FNBP1: variants seen among roughly 807,000 people sequenced by gnomAD.
FNBP1 encodes formin binding protein 1.
Under a neutral mutation model 90.6 loss-of-function variants are expected in FNBP1, and 26 were observed. That is an observed-to-expected ratio of 0.29 (90% CI 0.21 to 0.40). FNBP1 has a LOEUF of 0.40. Among genes scored for constraint, FNBP1 ranks in the 10% least tolerant of loss-of-function variants. The probability of loss-of-function intolerance (pLI) is 1.00; values close to 1 mark genes in which losing one functional copy is unlikely to be tolerated. For missense variants in FNBP1, 635 were observed against 768.0 expected (o/e 0.83, Z 2.05); for synonymous variants, 260 against 265.2 (o/e 0.98, Z 0.19).
chr9:129,925,066 G>C lies in FNBP1; in HGVS notation c.881C>G (p.Thr294Ser). ...ATTTGAAAGGCTGTTATCTGACACAGTGCGCTTCATTGGCTGAGTGTAATC... is the reference window on the plus strand; with the variant it reads ...ATTTGAAAGGCTGTTATCTGACACACTGCGCTTCATTGGCTGAGTGTAATC... ...FEDYTQPMKRTVSDNSLSNSR... is the reference protein window; with the variant it reads ...FEDYTQPMKRSVSDNSLSNSR... The change falls in exon 9 of 17, where the codon ACT becomes AGT. Residue 294 changes from threonine to serine, a missense_variant. Transcript: ENST00000446176. The C allele has an allele frequency of 6.2e-7, 1 of 1,613,898 alleles. No individual in the cohort carries two copies. Among genetic ancestry groups the C allele is most frequent in the Non-Finnish European group, 8.5e-7 (1 of 1,179,806 alleles).
Position 129,957,422 on chromosome 9 carries a change from C to T in FNBP1, c.451G>A (p.Ala151Thr). 1 of 1,613,904 alleles carries T rather than the reference C, an allele frequency of 6.2e-7. No individual in the cohort carries two copies. Reference sequence around the variant, plus strand: ...TCCATTTTCTCAAAGTACTGCTGCGCCCTGTCCGCCTCTTTGCAATCGCGT... The same window carrying T: ...TCCATTTTCTCAAAGTACTGCTGCGTCCTGTCCGCCTCTTTGCAATCGCGT... ...FERDCKEADRAQQYFEKMDAD... is the reference protein window; with the variant it reads ...FERDCKEADRTQQYFEKMDAD... The change falls in exon 6 of 17, where the codon GCG becomes ACG. Residue 151 changes from alanine to threonine, a missense_variant. Coordinates refer to ENST00000446176, the MANE Select transcript of FNBP1 (RefSeq NM_015033.3). This position sits in a 1 kb window ranked among gnomAD's most constrained non-coding sequence, Gnocchi z 4.3.
intron 1 of FNBP1, among the ~76,000 whole-genome samples, chr9:130,002,038 A>G (rs1564545358): frequency 6.8e-6 from 1 of 147,126 alleles, no homozygotes; most frequent in Non-Finnish European, 1.5e-5. Flanking sequence ...CAAAAAAAAA[A>G]AAAAAAAAAG....
intron 1 of FNBP1, among the ~76,000 whole-genome samples, chr9:130,018,430 G>C (rs906304094): frequency 6.6e-6 from 1 of 152,104 alleles, no homozygotes. Context: ...GAAACCCTGT[G>C]ACAGGCATGC....
intron 11 of FNBP1, among the ~76,000 whole-genome samples, chr9:129,914,755 G>GTGTATATATGTATATA (rs71499203): frequency 1.0e-5 from 1 of 98,434 alleles, no homozygotes; most frequent in Non-Finnish European, 2.1e-5. Context: ...ACATACATAT[G>GTGTATATATGTATATA]TCTATATATA....
intron 4 of FNBP1, among the ~76,000 whole-genome samples, chr9:129,974,074 C>T (rs1289299479): frequency 6.6e-6 from 1 of 152,108 alleles, no homozygotes; most frequent in Non-Finnish European, 1.5e-5. Flanking sequence ...CTGCCCGCCT[C>T]AGCCTCCCAA....
At position 129,944,003 on chromosome 9, in the gene FNBP1, A is replaced by AAAAAAAC. The variant is rs1388997099; in HGVS notation, c.513+13350_513+13356dup. 1.5e-4 allele frequency among the ~76,000 whole-genome samples: 23 copies of AAAAAAAC among 150,288 alleles called. 2 individuals carry two copies. Among genetic ancestry groups the AAAAAAAC allele is most frequent in the Admixed American group, 1.2e-3 (18 of 15,050 alleles). On this transcript the variant is annotated intron_variant, in intron 6 of 16. Coordinates refer to ENST00000446176, the MANE Select transcript of FNBP1 (RefSeq NM_015033.3). Reference sequence around the variant, plus strand: ...GCGAGACTCCATCTCAAAAAAAAAAAAAAAAACCTGCTATCGTTCTGATGA... The same window carrying AAAAAAAC: ...GCGAGACTCCATCTCAAAAAAAAAAAAAAAAACAAAAAACCTGCTATCGTTCTGATGA...
chr9:129,932,653 C>T (rs551921968), intron 6 of FNBP1, among the ~76,000 whole-genome samples: 9 of 152,226 alleles, frequency 5.9e-5, no homozygotes, highest in African/African-American at 2.2e-4. Context: ...CTCTTTTCAT[C>T]TACCCTCAGT....
rs542268378 is a variant in FNBP1 at position 129,902,045 on chromosome 9, G to A, written c.1428+824C>T. 3.9e-5 allele frequency among the ~76,000 whole-genome samples: 6 copies of A among 152,270 alleles called. No homozygotes were observed. In the South Asian group the frequency reaches 1.2e-3, roughly 32 times the overall value. Reference sequence around the variant, plus strand: ...AACGTGGTAGGGAGAGTGGGTTCAGGAGGCTTTTGTTGACAGCTTTTGAGT... The same window carrying A: ...AACGTGGTAGGGAGAGTGGGTTCAGAAGGCTTTTGTTGACAGCTTTTGAGT... On this transcript the variant is annotated intron_variant, in intron 13 of 16. Coordinates refer to ENST00000446176, the MANE Select transcript of FNBP1 (RefSeq NM_015033.3).
rs369544853 is a variant in FNBP1, at chr9:129,890,152, C to T, written c.*387G>A. On this transcript the variant is annotated 3_prime_UTR_variant, in exon 17 of 17. Coordinates refer to ENST00000446176, the MANE Select transcript of FNBP1 (RefSeq NM_015033.3). The surrounding 1 kb of genome is among the most constrained non-coding windows in gnomAD (Gnocchi z 5.8). ...ACCTGCCTTGTCTCCTCAGGGGACCCGTGATGACACTTTCACAAAAGGCAC... is the reference window on the plus strand; with the variant it reads ...ACCTGCCTTGTCTCCTCAGGGGACCTGTGATGACACTTTCACAAAAGGCAC... 1.8e-4 allele frequency: 63 copies of T among 357,880 alleles called. No individual in the cohort carries two copies. Among genetic ancestry groups the T allele is most frequent in the African/African-American group, 7.6e-4 (37 of 48,382 alleles). The allele number at this position is 357,880 out of a possible 1,614,324, so 22.2% of individuals were successfully genotyped here.
chr9:130,032,103 G>A (rs1214621956), intron 1 of FNBP1, among the ~76,000 whole-genome samples: 2 of 151,848 alleles, frequency 1.3e-5, no homozygotes, highest in Admixed American at 6.6e-5. Context: ...GACTTCACAC[G>A]TACACCTTAC....
intron 1 of FNBP1, among the ~76,000 whole-genome samples, chr9:130,040,183 A>C (rs2059695491): frequency 6.6e-6 from 1 of 152,132 alleles, no homozygotes; most frequent in African/African-American, 2.4e-5. Flanking sequence ...TAAATCTCAA[A>C]AGCTACTAAG....
chr9:129,975,559 A>C (rs1305415115), intron 4 of FNBP1, among the ~76,000 whole-genome samples: 1 of 152,204 alleles, frequency 6.6e-6, no homozygotes, highest in Non-Finnish European at 1.5e-5. Flanking sequence ...TAAAAAAGTC[A>C]TCATTAACAG....
Position 129,900,496 on chromosome 9 carries a change from G to A in FNBP1, c.1480C>T (p.Arg494Cys), listed in dbSNP as rs774310830. The change falls in exon 14 of 17, where the codon CGC (arginine) becomes TGC (cysteine). Residue 494 changes from arginine to cysteine, a missense_variant. Physicochemically the swap from Arg to Cys is radical, Grantham distance 180 (BLOSUM62 -3). Transcript: ENST00000446176. This position sits in a 1 kb window ranked among gnomAD's most constrained non-coding sequence, Gnocchi z 4.1. ...GRLPARSEQA[R>C]RQSGLYDSQN... Reference sequence around the variant, plus strand: ...CTGTCGTACAGTCCGCTCTGCCGGCGCGCCTGCTCGCTGCGTGCTGGGAGC... The same window carrying A: ...CTGTCGTACAGTCCGCTCTGCCGGCACGCCTGCTCGCTGCGTGCTGGGAGC... The A allele has an allele frequency of 2.6e-5, 42 of 1,599,380 alleles. 1 individual carries two copies. The Admixed American group carries it at 3.0e-4, about 11-fold the overall frequency.
At chr9:129,984,603 C>T (rs1049954170) in intron 2 of FNBP1, among the ~76,000 whole-genome samples, 6 of 152,076 alleles carry the variant, frequency 3.9e-5, no homozygotes, top group African/African-American at 1.4e-4. Context: ...GGGGTTCGCC[C>T]CAAACCCAGG....
chr9:129,919,062 G>T, intron 10 of FNBP1: 1 of 367,516 alleles, frequency 2.7e-6, no homozygotes, highest in Non-Finnish European at 5.5e-6. Flanking sequence ...TAGTGTGGAA[G>T]CATAACAAGT....
upstream of FNBP1, among the ~76,000 whole-genome samples, chr9:130,047,142 C>T (rs1332700579): frequency 1.3e-5 from 2 of 151,986 alleles, no homozygotes; most frequent in Non-Finnish European, 2.9e-5. Context: ...GTGATTGCAC[C>T]ATTAGACTAT....
At position 129,890,539 on chromosome 9, in the gene FNBP1, C is replaced by G; in HGVS notation, c.1854G>C (p.Ter618TyrextTer9). ...VCLDKNAKDS* is the reference protein window; with the variant it reads ...VCLDKNAKDSY ...ACCCGAGGCTCGCAGGCACTCCCCTCTAGGAATCTACAACACAAAGAGAAA... is the reference window on the plus strand; with the variant it reads ...ACCCGAGGCTCGCAGGCACTCCCCTGTAGGAATCTACAACACAAAGAGAAA... Residue 618 changes from the stop codon to tyrosine (Y), a stop_lost, in exon 17 of 17, where the codon TAG (stop) becomes TAC (tyrosine). Transcript: ENST00000446176. This position sits in a 1 kb window ranked among gnomAD's most constrained non-coding sequence, Gnocchi z 5.8. 6.3e-7 allele frequency: 1 copy of G among 1,585,740 alleles called. No homozygotes were observed. The highest frequency in any genetic ancestry group is 8.6e-7 in the Non-Finnish European group (1 of 1,166,890).
chr9:129,964,744 T>G (rs1330760954), intron 4 of FNBP1, among the ~76,000 whole-genome samples: 1 of 151,934 alleles, frequency 6.6e-6, no homozygotes, highest in Non-Finnish European at 1.5e-5. Context: ...TATGAGAATG[T>G]TTAGTATTCA....
chr9:130,027,941 T>G (rs2058496779), intron 1 of FNBP1, among the ~76,000 whole-genome samples: 1 of 150,106 alleles, frequency 6.7e-6, no homozygotes, highest in African/African-American at 2.5e-5. Context: ...AAAAAAAAAA[T>G]AGGGTCTCAT....
Sources: gnomAD v4.1 joint callset for allele counts (sites outside exome capture counted in the v4.1 genomes callset) on GRCh38, gnomAD v4.1.1 for gene constraint, Gnocchi (gnomAD v3.1) non-coding constraint, MANE v1.5 for transcripts, NCBI Gene and HGNC (gene_info 2026-07-23, HGNC 2026-07-21) for gene names.